CTNNA3: variants seen among roughly 807,000 people sequenced by gnomAD.
The protein encoded by CTNNA3 is catenin alpha-3.
CTNNA3 carries 76 observed loss-of-function variants against 95.7 expected under a neutral mutation model. The ratio of observed to expected loss-of-function variants is 0.79; its 90% CI spans 0.66 to 0.96. The LOEUF (loss-of-function observed/expected upper bound fraction) is 0.96. Ranked by LOEUF, CTNNA3 falls within the 40% of genes least tolerant of loss-of-function variation. The pLI is 0.00. For synonymous variants in CTNNA3, 431 were observed against 374.4 expected (o/e 1.15, Z -1.74); for missense variants, 1,191 against 1,089.8 (o/e 1.09, Z -1.31).
chr10:66,928,651 T>C (rs1457280993), intron 7 of CTNNA3, among the ~76,000 whole-genome samples: 1 of 152,118 alleles, frequency 6.6e-6, no homozygotes, highest in Non-Finnish European at 1.5e-5. Context: ...AATCAACCCA[T>C]TGAAATTTAA....
intron 17 of CTNNA3, among the ~76,000 whole-genome samples, chr10:65,935,150 C>T (rs1564525020): frequency 1.3e-5 from 2 of 152,110 alleles, no homozygotes; most frequent in Non-Finnish European, 2.9e-5. Flanking sequence ...AAATTTTTGG[C>T]TACAACAGTA....
At chr10:66,487,707 AAAAAC>A (rs1205375433) in intron 11 of CTNNA3, among the ~76,000 whole-genome samples, 1 of 152,204 alleles carries the variant, frequency 6.6e-6, no homozygotes, top group Non-Finnish European at 1.5e-5. Context: ...TTAAATATTT[AAAAAC>A]AAAACAAAAC....
intron 5 of CTNNA3, among the ~76,000 whole-genome samples, chr10:67,482,552 T>C (rs934709824): frequency 1.2e-4 from 19 of 152,180 alleles, no homozygotes; most frequent in Non-Finnish European, 2.5e-4. Flanking sequence ...TCTCTGTTTG[T>C]CTGTTATTGG....
chr10:66,593,380 C>T (rs564565088), intron 10 of CTNNA3, among the ~76,000 whole-genome samples: 3 of 152,294 alleles, frequency 2.0e-5, no homozygotes, highest in South Asian at 4.1e-4. Flanking sequence ...CTAGGCCACT[C>T]ATGCACACCA....
chr10:66,173,215 C>T (rs2085523263), intron 13 of CTNNA3, among the ~76,000 whole-genome samples: 1 of 152,080 alleles, frequency 6.6e-6, no homozygotes. Flanking sequence ...CCTTAAAAAA[C>T]ATCTATGTTT....
chr10:66,802,532 A>T (rs1841470047), intron 7 of CTNNA3, among the ~76,000 whole-genome samples: 1 of 151,858 alleles, frequency 6.6e-6, no homozygotes, highest in Non-Finnish European at 1.5e-5. Context: ...ACTCTCTTAC[A>T]TTGCTGGTGG....
chr10:66,456,363 A>C (rs1297855657), intron 11 of CTNNA3, among the ~76,000 whole-genome samples: 1 of 152,196 alleles, frequency 6.6e-6, no homozygotes, highest in Non-Finnish European at 1.5e-5. Flanking sequence ...CTAGAAATAT[A>C]TGGCCAAGTG....
At chr10:65,998,496 T>C (rs1190866301) in intron 15 of CTNNA3, among the ~76,000 whole-genome samples, 1 of 152,178 alleles carries the variant, frequency 6.6e-6, no homozygotes, top group African/African-American at 2.4e-5. Flanking sequence ...AATTTCTCGG[T>C]TTTAATTATT....
intron 13 of CTNNA3, among the ~76,000 whole-genome samples, chr10:66,128,078 A>G (rs1425417742): frequency 6.6e-6 from 1 of 152,190 alleles, no homozygotes; most frequent in Non-Finnish European, 1.5e-5. Context: ...TCTCAAAAAA[A>G]GAAAAGAAAA....
At chr10:67,097,235 A>G (rs1323968644) in intron 7 of CTNNA3, among the ~76,000 whole-genome samples, 1 of 151,902 alleles carries the variant, frequency 6.6e-6, no homozygotes, top group East Asian at 1.9e-4. Context: ...CACTAATAAT[A>G]ATAATAATAG....
chr10:67,635,817 C>T (rs1241620563), intron 2 of CTNNA3, among the ~76,000 whole-genome samples: 1 of 151,784 alleles, frequency 6.6e-6, no homozygotes, highest in African/African-American at 2.4e-5. Flanking sequence ...CTGGCCAGGA[C>T]AATAAGGCCA....
At chr10:66,205,676 C>G (rs1020275016) in intron 13 of CTNNA3, among the ~76,000 whole-genome samples, 1 of 151,862 alleles carries the variant, frequency 6.6e-6, no homozygotes, top group African/African-American at 2.4e-5. Flanking sequence ...TGAAATAAAA[C>G]TTTAAAATTT....
intron 16 of CTNNA3, among the ~76,000 whole-genome samples, chr10:65,984,086 G>T (rs540502782): frequency 1.3e-5 from 2 of 151,156 alleles, no homozygotes; most frequent in Non-Finnish European, 3.0e-5. Flanking sequence ...TCTAATGTTA[G>T]TTGGAATGGA....
At chr10:66,859,360 T>C (rs1053646150) in intron 7 of CTNNA3, among the ~76,000 whole-genome samples, 3 of 151,396 alleles carry the variant, frequency 2.0e-5, no homozygotes, top group African/African-American at 7.3e-5. Flanking sequence ...GCGAAGGACA[T>C]GAACAGACAC....
chr10:66,447,795 G>A (rs2093433575), intron 11 of CTNNA3, among the ~76,000 whole-genome samples: 1 of 151,940 alleles, frequency 6.6e-6, no homozygotes, highest in African/African-American at 2.4e-5. Flanking sequence ...AACACCAAAA[G>A]CAATGGCAAC....
At chr10:66,606,777 A>G (rs568984681) in intron 10 of CTNNA3, among the ~76,000 whole-genome samples, 1 of 152,158 alleles carries the variant, frequency 6.6e-6, no homozygotes, top group Admixed American at 6.5e-5. Flanking sequence ...CTAAGACAGT[A>G]TTAAGAGGAC....
intron 5 of CTNNA3, among the ~76,000 whole-genome samples, chr10:67,294,274 C>T (rs1285598935): frequency 6.6e-6 from 1 of 151,940 alleles, no homozygotes; most frequent in African/African-American, 2.4e-5. Flanking sequence ...ATCTAATACT[C>T]GAGTAAATAT....
rs564101758 is a variant in CTNNA3, at chr10:67,042,299, G to A, written c.1047+138018C>T. Among the ~76,000 whole-genome samples the A allele has an allele frequency of 1.6e-4, 24 of 152,248 alleles. No homozygotes were observed. In the South Asian group the frequency reaches 3.5e-3, roughly 22 times the overall value. On this transcript the variant is annotated intron_variant, in intron 7 of 17. Coordinates refer to ENST00000433211, the MANE Select transcript of CTNNA3 (RefSeq NM_013266.4). ...AGAATCATAGAGGAATGACATTTGA[G>A]AGGCAGGACAGACAGAGCTGACTAT...
intron 12 of CTNNA3, among the ~76,000 whole-genome samples, chr10:66,375,301 T>G (rs1295014177): frequency 6.6e-6 from 1 of 151,266 alleles, no homozygotes; most frequent in African/African-American, 2.4e-5. Flanking sequence ...GAAGGTAAAC[T>G]GAGTGAAGAA....
Sources: gnomAD v4.1 joint callset for allele counts (sites outside exome capture counted in the v4.1 genomes callset) on GRCh38, gnomAD v4.1.1 for gene constraint, MANE v1.5 for transcripts, NCBI Gene and HGNC (gene_info 2026-07-23, HGNC 2026-07-21) for gene names.